USP54: variants seen among roughly 807,000 people sequenced by gnomAD.
USP54 encodes ubiquitin specific peptidase 54.
In USP54, 87 loss-of-function variants were observed where a neutral mutation model predicts 170.5. The ratio of observed to expected loss-of-function variants is 0.51; its 90% confidence interval spans 0.43 to 0.61. The LOEUF (loss-of-function observed/expected upper bound fraction) is 0.61, where lower values mean the gene tolerates loss of function less well. Among genes scored for constraint, USP54 ranks in the 20% least tolerant of loss-of-function variants. USP54 has a pLI of 0.00. For missense variants in USP54, 1,786 were observed against 2,047.8 expected, an observed-to-expected ratio of 0.87 and a Z score of 2.47; for synonymous variants, 655 against 742.8, an observed-to-expected ratio of 0.88 and a Z score of 1.92.
intron 15 of USP54, among the ~76,000 whole-genome samples, chr10:73,528,048 G>A (rs755213074): frequency 1.3e-5 from 2 of 151,992 alleles, no homozygotes; most frequent in Admixed American, 1.3e-4. Context: ...TGATTCTCCT[G>A]CCTCAGCCTC....
chr10:73,511,530 CATGCCTGTAATCCCAGCTA>C lies in USP54; in HGVS notation c.4051+4826_4051+4844del, dbSNP rs2060209544. Among the ~76,000 whole-genome samples, 11 of 150,696 alleles carry C rather than the reference CATGCCTGTAATCCCAGCTA, an allele frequency of 7.3e-5. No homozygotes were observed. The South Asian group carries it at 2.3e-3, about 32-fold the overall frequency. Reference sequence around the variant, plus strand: ...CAAAAATTAGTCAGGTGTGGTGGCACATGCCTGTAATCCCAGCTACTTGGGAGGCTGAAGCACGAGAATC... The same window carrying C: ...CAAAAATTAGTCAGGTGTGGTGGCACCTTGGGAGGCTGAAGCACGAGAATC... On this transcript the variant is annotated intron_variant, in intron 20 of 23. Coordinates refer to ENST00000687698, the MANE Select transcript of USP54 (RefSeq NM_001391956.1).
chr10:73,558,651 T>C lies in USP54; in HGVS notation c.240+12770A>G, dbSNP rs370039936. 3.9e-5 allele frequency among the ~76,000 whole-genome samples: 6 copies of C among 152,280 alleles called. No homozygotes were observed. In the East Asian group the frequency reaches 7.7e-4, roughly 20 times the overall value. On this transcript the variant is annotated intron_variant, in intron 4 of 23. Coordinates refer to ENST00000687698, the MANE Select transcript of USP54 (RefSeq NM_001391956.1). ...AGAAACATGTTAGTGTTTCCTTTTG[T>C]CCTTACCAGTGGTTCCTAGAGTGAA...
At chr10:73,534,210 C>CTTT (rs34747653) in intron 12 of USP54, among the ~76,000 whole-genome samples, 4 of 144,214 alleles carry the variant, frequency 2.8e-5, no homozygotes, top group Admixed American at 6.9e-5. Flanking sequence ...TTTCTTTCTC[C>CTTT]TTTTTTTTTT....
At chr10:73,584,053 T>C (rs7069592) in intron 1 of USP54, among the ~76,000 whole-genome samples, 13,249 of 152,106 alleles carry the variant, frequency 0.087, 855 homozygotes, top group African/African-American at 0.18. Flanking sequence ...AAATAAATAT[T>C]TATATGTCTA....
intron 4 of USP54, chr10:73,546,711 T>C (rs970031886): frequency 1.3e-5 from 2 of 152,192 alleles, no homozygotes; most frequent in African/African-American, 4.8e-5. Flanking sequence ...AGCATCGTTT[T>C]TGAGATCTAT....
chr10:73,525,156 T>G (rs2133354285), intron 16 of USP54, among the ~76,000 whole-genome samples: 1 of 152,346 alleles, frequency 6.6e-6, no homozygotes, highest in South Asian at 2.1e-4. Flanking sequence ...TAAACTTATC[T>G]ATGTACTTGT....
At position 73,574,865 on chromosome 10, in the gene USP54, A is replaced by AT. The variant is rs567846345; in HGVS notation, c.147+646_147+647insA. Among the ~76,000 whole-genome samples, 69 of 151,844 alleles carry AT rather than the reference A, an allele frequency of 4.5e-4. No individual in the cohort carries two copies. The East Asian group carries it at 0.012, about 26-fold the overall frequency. ...AGAGTGAGACTGTCCAAAAAAAAAA[A>AT]AAAGAAAGAAAAGAAAAGAAAAGAA... On this transcript the variant is annotated intron_variant, in intron 3 of 23. Transcript: ENST00000687698.
At chr10:73,600,001 A>G (rs2079042392) in intron 1 of USP54, among the ~76,000 whole-genome samples, 1 of 149,700 alleles carries the variant, frequency 6.7e-6, no homozygotes, top group African/African-American at 2.5e-5. Context: ...TCCTGGGTTC[A>G]AGCGATTCTC....
chr10:73,625,941 C>G (rs2081508011), upstream of USP54: 1 of 151,426 alleles, frequency 6.6e-6, no homozygotes, highest in South Asian at 2.1e-4. Flanking sequence ...ACTCACAGCT[C>G]CTGGCGCCGC....
In USP54 at chr10:73,557,878, CT is replaced by C. The variant is rs765656681; in HGVS notation, c.241-12207del. Among the ~76,000 whole-genome samples, 484 of 115,002 alleles carry C rather than the reference CT, an allele frequency of 4.2e-3. 1 individual carries two copies. The highest frequency in any genetic ancestry group is 0.017 in the East Asian group (58 of 3,364). 75.4% of individuals were successfully genotyped at this position (115,002 alleles called of 152,430 possible). A position where few individuals can be genotyped will look rare whatever the true frequency, so the allele number is the denominator to read the frequency against. On this transcript the variant is annotated intron_variant, in intron 4 of 23. Coordinates refer to ENST00000687698, the MANE Select transcript of USP54 (RefSeq NM_001391956.1). ...AAGAAGGATTTAAAGAGCTATTATT[CT>C]TTTTTTTTTTTTTTTTTTTTTGAGA...
At chr10:73,520,678 A>T (rs1032857306) in intron 18 of USP54, among the ~76,000 whole-genome samples, 5 of 152,222 alleles carry the variant, frequency 3.3e-5, no homozygotes, top group African/African-American at 1.2e-4. Context: ...TGGAGAAATC[A>T]TCTATGGATT....
At chr10:73,597,562 C>T (rs2078829271) in intron 1 of USP54, among the ~76,000 whole-genome samples, 2 of 152,174 alleles carry the variant, frequency 1.3e-5, no homozygotes, top group African/African-American at 2.4e-5. Context: ...AAGCAATCAA[C>T]ACTCCCCACT....
chr10:73,620,156 T>C (rs2080969073), intron 1 of USP54, among the ~76,000 whole-genome samples: 1 of 149,754 alleles, frequency 6.7e-6, no homozygotes, highest in South Asian at 2.1e-4. Context: ...CTACTGAAAA[T>C]ACAATAATTA....
chr10:73,530,339 AG>A lies in USP54; in HGVS notation c.1631del (p.Pro544LeufsTer14). On this transcript the variant is annotated frameshift_variant, in exon 14 of 24. Coordinates refer to ENST00000687698, the MANE Select transcript of USP54 (RefSeq NM_001391956.1). LOFTEE classifies it high-confidence loss of function. ...GAGAGTGTAAAGGCAGGGTCCTAGG[AG>A]GTTTTTTGTCAGGCTGGTCTCCTCC... Reference protein sequence around the residue: ...GRGGDQPDKKPPRTLPLHSRD... With the variant: ...GRGGDQPDKKXPRTLPLHSRD... 6.2e-7 allele frequency: 1 copy of A among 1,613,982 alleles called. No homozygotes were observed. Among genetic ancestry groups the A allele is most frequent in the East Asian group, 2.2e-5 (1 of 44,874 alleles).
At chr10:73,517,937 C>T (rs572957419) in intron 19 of USP54, among the ~76,000 whole-genome samples, 190 bp from the exon 20 acceptor site, 11 of 152,334 alleles carry the variant, frequency 7.2e-5, no homozygotes, top group African/African-American at 2.4e-4. Flanking sequence ...TCAGCTCACA[C>T]TCAGGTAAAT....
chr10:73,616,698 G>C (rs528645778), intron 1 of USP54, among the ~76,000 whole-genome samples: 1 of 150,486 alleles, frequency 6.6e-6, no homozygotes, highest in South Asian at 2.1e-4. Context: ...GGTGGCAGGT[G>C]CCTGTAATCT....
At position 73,523,758 on chromosome 10, in the gene USP54, A is replaced by G. The variant is rs1435938750; in HGVS notation, c.2195-8T>C. 3.7e-6 allele frequency: 6 copies of G among 1,609,178 alleles called. No individual in the cohort carries two copies. The highest frequency in any genetic ancestry group is 5.1e-6 in the Non-Finnish European group (6 of 1,176,800). On this transcript the variant is annotated splice_region_variant and splice_polypyrimidine_tract_variant and intron_variant, in intron 16 of 23. Coordinates refer to ENST00000687698, the MANE Select transcript of USP54 (RefSeq NM_001391956.1). ...TAGAAGATATCTCCTCACCTGTAATATAAGCAAGGGAGAAGTCACCACATT... is the reference window on the plus strand; with the variant it reads ...TAGAAGATATCTCCTCACCTGTAATGTAAGCAAGGGAGAAGTCACCACATT...
At chr10:73,533,691 C>T (rs1004731440) in intron 12 of USP54, among the ~76,000 whole-genome samples, 22 of 152,206 alleles carry the variant, frequency 1.4e-4, no homozygotes, top group Admixed American at 1.2e-3. Context: ...TCCATCTCAG[C>T]AGTCATTCAC....
chr10:73,573,021 T>C (rs1037659400), intron 3 of USP54, among the ~76,000 whole-genome samples: 2 of 152,178 alleles, frequency 1.3e-5, no homozygotes, highest in African/African-American at 4.8e-5. Flanking sequence ...TGGTGGCTTA[T>C]GCCTATAATC....
Sources: allele counts gnomAD v4.1 joint callset (sites outside exome capture counted in the v4.1 genomes callset), GRCh38; gene constraint gnomAD v4.1.1; transcripts MANE v1.5; gene names NCBI Gene and HGNC (gene_info 2026-07-23, HGNC 2026-07-21).